Variants in ST8SIA1 observed in about 807,000 individuals in gnomAD.
The protein encoded by ST8SIA1 is ST8 alpha-N-acetyl-neuraminide alpha-2,8-sialyltransferase 1, also known as alpha-N-acetylneuraminide alpha-2,8-sialyltransferase.
ST8SIA1 carries 16 observed loss-of-function variants against 35.9 expected under a neutral mutation model. The ratio of observed to expected loss-of-function variants is 0.45; its 90% confidence interval spans 0.30 to 0.68. The LOEUF (loss-of-function observed/expected upper bound fraction) is 0.68, where lower values mean the gene tolerates loss of function less well. Among genes scored for constraint, ST8SIA1 ranks in the 30% least tolerant of loss-of-function variants. ST8SIA1 has a pLI of 0.09. For synonymous variants in ST8SIA1, 170 were observed against 169.6 expected (o/e 1.00, Z -0.02); for missense variants, 383 against 453.6 (o/e 0.84, Z 1.41).
chr12:22,277,317 T>C (rs1865980833), intron 2 of ST8SIA1, among the ~76,000 whole-genome samples: 1 of 151,764 alleles, frequency 6.6e-6, no homozygotes, highest in South Asian at 2.1e-4. Context: ...AACAACAAAA[T>C]TGGCAGAGGG....
chr12:22,263,381 G>T (rs1865813762), intron 2 of ST8SIA1, among the ~76,000 whole-genome samples: 1 of 152,090 alleles, frequency 6.6e-6, no homozygotes, highest in South Asian at 2.1e-4. Flanking sequence ...GCTCCCTTCT[G>T]CCACTCCCTA....
intron 3 of ST8SIA1, among the ~76,000 whole-genome samples, chr12:22,250,468 A>T (rs1186199850): frequency 1.3e-5 from 2 of 152,190 alleles, no homozygotes; most frequent in East Asian, 3.8e-4. Flanking sequence ...TATAGTTTCC[A>T]TTATGCTTTC....
rs1210478087 is a variant in ST8SIA1 at position 22,196,333 on chromosome 12, G to C, written c.*5219C>G. 2.0e-5 allele frequency: 3 copies of C among 152,146 alleles called. 1 individual carries two copies. Among genetic ancestry groups the C allele is most frequent in the East Asian group, 3.8e-4 (2 of 5,198 alleles). 9.4% of individuals were successfully genotyped at this position (152,146 alleles called of 1,614,324 possible). On this transcript the variant is annotated 3_prime_UTR_variant, in exon 5 of 5. Transcript: ENST00000396037. ...CTTACTGAAATGGTGAGCAGGGGCT[G>C]TGTTATGTTTCAATAAGCTTTTCAT...
chr12:22,292,870 C>T (rs775348861), intron 1 of ST8SIA1, among the ~76,000 whole-genome samples: 2 of 152,098 alleles, frequency 1.3e-5, no homozygotes, highest in Admixed American at 6.6e-5. Context: ...CAAACCTGCA[C>T]ATGTACCCTC....
chr12:22,247,250 G>C (rs1395052749), intron 4 of ST8SIA1, among the ~76,000 whole-genome samples: 1 of 151,946 alleles, frequency 6.6e-6, no homozygotes, highest in Non-Finnish European at 1.5e-5. Flanking sequence ...AGAATCTTCT[G>C]GTCCTCAATA....
At chr12:22,252,920 C>T (rs1865690664) in intron 3 of ST8SIA1, among the ~76,000 whole-genome samples, 1 of 152,202 alleles carries the variant, frequency 6.6e-6, no homozygotes, top group African/African-American at 2.4e-5. Context: ...TGTATCAAGG[C>T]CACTTGAAAT....
chr12:22,196,610 T>A lies in ST8SIA1; in HGVS notation c.*4942A>T, dbSNP rs1008174389. 6.6e-6 allele frequency: 1 copy of A among 152,160 alleles called. No homozygotes were observed. Among genetic ancestry groups the A allele is most frequent in the African/African-American group, 2.4e-5 (1 of 41,436 alleles). 9.4% of individuals were successfully genotyped at this position (152,160 alleles called of 1,614,324 possible). On this transcript the variant is annotated 3_prime_UTR_variant, in exon 5 of 5. Transcript: ENST00000396037. ...GGGCTTCAGACTTCCTGTGAGTTAG[T>A]CTCTAGGACTTTTAAAGAAGCTATG...
chr12:22,288,895 G>T (rs192940836), intron 1 of ST8SIA1, among the ~76,000 whole-genome samples: 109 of 152,160 alleles, frequency 7.2e-4, no homozygotes, highest in Middle Eastern at 3.4e-3. Context: ...GTTGTTTGTT[G>T]TTGTTGTCCT....
chr12:22,306,357 T>C (rs1010395285), intron 1 of ST8SIA1, among the ~76,000 whole-genome samples: 1 of 152,166 alleles, frequency 6.6e-6, no homozygotes, highest in Admixed American at 6.5e-5. Flanking sequence ...TTATTCTTTC[T>C]TTCTTTTTTT....
intron 1 of ST8SIA1, among the ~76,000 whole-genome samples, chr12:22,296,021 G>A (rs1866238673): frequency 1.3e-5 from 2 of 152,182 alleles, no homozygotes; most frequent in African/African-American, 4.8e-5. Context: ...AGTGTCTTTA[G>A]CTTGAAGTCA....
intron 2 of ST8SIA1, among the ~76,000 whole-genome samples, chr12:22,256,847 C>A (rs1357592462): frequency 2.6e-5 from 4 of 152,160 alleles, no homozygotes; most frequent in Non-Finnish European, 5.9e-5. Flanking sequence ...CAACAAACAT[C>A]AGAACAGATC....
intron 4 of ST8SIA1, chr12:22,223,635 A>T (rs1865325442): frequency 8.8e-7 from 1 of 1,141,804 alleles, no homozygotes; most frequent in Non-Finnish European, 1.1e-6. Flanking sequence ...TGGCTTCTCA[A>T]CGTGGCAGGG....
intron 2 of ST8SIA1, among the ~76,000 whole-genome samples, chr12:22,275,427 C>G (rs1865957588): frequency 6.6e-6 from 1 of 152,078 alleles, no homozygotes; most frequent in African/African-American, 2.4e-5. Flanking sequence ...TGGTGGTGCA[C>G]ACCTATAGTC....
chr12:22,214,325 T>C (rs923381705), intron 4 of ST8SIA1, among the ~76,000 whole-genome samples: 1 of 152,062 alleles, frequency 6.6e-6, no homozygotes, highest in African/African-American at 2.4e-5. Flanking sequence ...TCATTAAAGG[T>C]ATGAGATATT....
Position 22,194,362 on chromosome 12 carries a change from T to A in ST8SIA1, c.*7190A>T, listed in dbSNP as rs550459230. On this transcript the variant is annotated 3_prime_UTR_variant, in exon 5 of 5. Transcript: ENST00000396037. The stretch of plus-strand genomic sequence containing the variant: ...ATGACTTCAATGAAGGATATTTACA[T>A]ACTATTATCAGACTTCTCCAAGGCC... The A allele has an allele frequency of 6.6e-6, 1 of 152,358 alleles. No individual in the cohort carries two copies. Among genetic ancestry groups the A allele is most frequent in the African/African-American group, 2.4e-5 (1 of 41,600 alleles). 9.4% of individuals were successfully genotyped at this position (152,358 alleles called of 1,614,324 possible). A position where few individuals can be genotyped will look rare whatever the true frequency, so the allele number is the denominator to read the frequency against.
chr12:22,292,890 A>G (rs1866196212), intron 1 of ST8SIA1, among the ~76,000 whole-genome samples: 1 of 152,216 alleles, frequency 6.6e-6, no homozygotes, highest in Non-Finnish European at 1.5e-5. Flanking sequence ...CTGAATCTAA[A>G]AGCCATAATT....
chr12:22,329,802 C>T lies in ST8SIA1; in HGVS notation c.236+4195G>A, dbSNP rs964065068. 3.9e-5 allele frequency among the ~76,000 whole-genome samples: 6 copies of T among 152,178 alleles called. No homozygotes were observed. In the South Asian group the frequency reaches 8.3e-4, roughly 21 times the overall value. On this transcript the variant is annotated intron_variant, in intron 1 of 4. Coordinates refer to ENST00000396037, the MANE Select transcript of ST8SIA1 (RefSeq NM_003034.4). The stretch of plus-strand genomic sequence containing the variant: ...GAAAGGACTTGACTGCTTAGAGTAA[C>T]GGTTACCACCCAATGAGTCGACAGA...
chr12:22,295,012 C>T, intron 1 of ST8SIA1, among the ~76,000 whole-genome samples: 1 of 152,142 alleles, frequency 6.6e-6, no homozygotes, highest in Admixed American at 6.5e-5. Flanking sequence ...CAAACATTTG[C>T]TGAGCAACTT....
intron 2 of ST8SIA1, among the ~76,000 whole-genome samples, chr12:22,264,408 C>T (rs1448954755): frequency 6.6e-6 from 1 of 152,194 alleles, no homozygotes; most frequent in Non-Finnish European, 1.5e-5. Flanking sequence ...AAGCGAATTC[C>T]TAGCGAGCAT....
Sources: allele counts gnomAD v4.1 joint callset (sites outside exome capture counted in the v4.1 genomes callset), GRCh38; gene constraint gnomAD v4.1.1; transcripts MANE v1.5; gene names NCBI Gene and HGNC (gene_info 2026-07-23, HGNC 2026-07-21).